Variants in LRP2 observed in about 807,000 individuals in gnomAD.
The protein encoded by LRP2 is low-density lipoprotein receptor-related protein 2.
LRP2 carries 172 observed loss-of-function variants against 531.0 expected under a neutral mutation model. The ratio of observed to expected loss-of-function variants is 0.32; its 90% CI spans 0.29 to 0.37. The LOEUF (loss-of-function observed/expected upper bound fraction) is 0.37. LRP2 is among the 10% of genes least tolerant of loss of function. The probability of loss-of-function intolerance (pLI) is 1.00; values close to 1 mark genes in which losing one functional copy is unlikely to be tolerated. For missense variants in LRP2, 5,167 were observed against 5,868.3 expected, an observed-to-expected ratio of 0.88 and a Z score of 3.90; for synonymous variants, 1,992 against 2,027.6, an observed-to-expected ratio of 0.98 and a Z score of 0.47.
intron 9 of LRP2, among the ~76,000 whole-genome samples, chr2:169,287,852 T>TTAATATTAAAATTTTAATATTTTAA (rs1553509242): frequency 1.9e-4 from 17 of 90,478 alleles, no homozygotes; most frequent in African/African-American, 6.0e-4. Context: ...TTTTAATATT[T>TTAATATTAAAATTTTAATATTTTAA]TAATATTAAA....
At chr2:169,190,637 T>C (rs1687797746) in intron 48 of LRP2, among the ~76,000 whole-genome samples, 1 of 152,184 alleles carries the variant, frequency 6.6e-6, no homozygotes, top group South Asian at 2.1e-4. Flanking sequence ...TGCTGTAAGG[T>C]GGCCATTCCT....
chr2:169,152,113 C>T (rs1170112857), intron 67 of LRP2, among the ~76,000 whole-genome samples: 3 of 152,222 alleles, frequency 2.0e-5, no homozygotes, highest in African/African-American at 4.8e-5. Flanking sequence ...TTACTAACTT[C>T]TCCACATCCA....
Position 169,237,196 on chromosome 2 carries a change from A to G in LRP2, c.4598T>C (p.Ile1533Thr), listed in dbSNP as rs200913374. 1.2e-6 allele frequency: 2 copies of G among 1,613,730 alleles called. No homozygotes were observed. The highest frequency in any genetic ancestry group is 1.1e-5 in the South Asian group (1 of 91,078). ...LYWTDYALET[I>T]EVSKIDGSHR... ...GCTCCCATCAATTTTGGAGACTTCA[A>G]TTGTTTCCAGAGCATAGTCTGTCCA... is the stretch of plus-strand genomic sequence containing the variant. Residue 1533 changes from isoleucine to threonine, a missense_variant, in exon 28 of 79, where the codon ATT becomes ACT. Physicochemically the swap from Ile to Thr is moderately conservative, Grantham distance 89. Around this residue, in one of 6 missense-constraint regions of LRP2, gnomAD observed 2,811 missense variants for 3,058.0 expected, o/e 0.92. Coordinates refer to ENST00000649046, the MANE Select transcript of LRP2 (RefSeq NM_004525.3).
At chr2:169,219,821 T>TA (rs1347695006) in intron 34 of LRP2, among the ~76,000 whole-genome samples, 95 of 142,982 alleles carry the variant, frequency 6.6e-4, no homozygotes, top group Admixed American at 4.1e-4. Flanking sequence ...TTGAAATTTT[T>TA]TAAAAAAAAT....
At chr2:169,212,254 G>T (rs543104866) in intron 36 of LRP2, 47 bp from the exon 37 acceptor site, 1 of 1,613,068 alleles carries the variant, frequency 6.2e-7, no homozygotes, top group Non-Finnish European at 8.5e-7. Flanking sequence ...CTAGCTACTC[G>T]CCACCCCATC....
intron 37 of LRP2, 128 bp downstream of exon 37, chr2:169,211,840 T>G: frequency 4.6e-6 from 6 of 1,300,900 alleles, no homozygotes; most frequent in Non-Finnish European, 6.6e-6. Flanking sequence ...CTGTGCCAGT[T>G]GATTTAAAGG....
intron 70 of LRP2, among the ~76,000 whole-genome samples, chr2:169,144,720 T>G (rs1348899229): frequency 6.6e-6 from 1 of 152,204 alleles, no homozygotes; most frequent in Non-Finnish European, 1.5e-5. Flanking sequence ...CCCTGTCATC[T>G]CATGGGAGTC....
intron 18 of LRP2, 149 bp from the exon 19 acceptor site, chr2:169,256,385 G>T: frequency 1.9e-6 from 1 of 526,878 alleles, no homozygotes; most frequent in Non-Finnish European, 3.3e-6. Flanking sequence ...AAATTTAACA[G>T]TTTTATGTCC....
At chr2:169,345,581 C>A (rs1574277248) in intron 1 of LRP2, among the ~76,000 whole-genome samples, 1 of 152,080 alleles carries the variant, frequency 6.6e-6, no homozygotes, top group Admixed American at 6.6e-5. Flanking sequence ...GTTGTGGCTA[C>A]ACAAATATAT....
chr2:169,294,786 T>G, intron 4 of LRP2, 76 bp from the exon 5 acceptor site: 1 of 902,088 alleles, frequency 1.1e-6, no homozygotes, highest in East Asian at 2.5e-5. Flanking sequence ...TCAGCAAACA[T>G]TTATTGAGTG....
At chr2:169,339,867 G>C (rs1685517233) in intron 1 of LRP2, among the ~76,000 whole-genome samples, 1 of 152,164 alleles carries the variant, frequency 6.6e-6, no homozygotes, top group African/African-American at 2.4e-5. Context: ...TGCTAAGGGT[G>C]TTATCACCAT....
intron 65 of LRP2, among the ~76,000 whole-genome samples, chr2:169,155,720 T>C (rs1686304918): frequency 6.6e-6 from 1 of 152,134 alleles, no homozygotes; most frequent in Non-Finnish European, 1.5e-5. Flanking sequence ...GGCATCAACC[T>C]AAAACGTAAA....
At position 169,205,533 on chromosome 2, in the gene LRP2, C is replaced by T. The variant is rs200633361; in HGVS notation, c.7661G>A (p.Ser2554Asn). Residue 2554 changes from serine to asparagine, a missense_variant, in exon 41 of 79, where the codon AGT (serine) becomes AAT (asparagine). Ser to Asn is a conservative substitution (Grantham distance 46, BLOSUM62 1). Coordinates refer to ENST00000649046, the MANE Select transcript of LRP2 (RefSeq NM_004525.3). ...PIVNSSLVMP[S>N]GLTLDYEEDL... is the part of the protein sequence containing the mutation. ...CTCTTCATAGTCCAGAGTCAGCCCA[C>T]TGGGCATGACCAGACTGCTGTTCAC... 40 of 1,614,016 alleles carry T rather than the reference C, an allele frequency of 2.5e-5. No individual in the cohort carries two copies. The highest frequency in any genetic ancestry group is 3.2e-5 in the Non-Finnish European group (38 of 1,180,008).
chr2:169,223,249 G>A (rs1453482312), intron 33 of LRP2, among the ~76,000 whole-genome samples: 1 of 152,168 alleles, frequency 6.6e-6, no homozygotes, highest in Non-Finnish European at 1.5e-5. Context: ...TGTGGTTAAA[G>A]TGGCCTTACC....
chr2:169,330,708 A>T (rs1265928193), intron 1 of LRP2, among the ~76,000 whole-genome samples: 1 of 152,130 alleles, frequency 6.6e-6, no homozygotes, highest in Non-Finnish European at 1.5e-5. Flanking sequence ...GCTCCCCCAC[A>T]TCACGGTGAC....
intron 27 of LRP2, among the ~76,000 whole-genome samples, chr2:169,237,853 C>T (rs1402083094): frequency 6.6e-6 from 1 of 152,190 alleles, no homozygotes. Flanking sequence ...TGTGAGGTCT[C>T]TGCATCACCT....
chr2:169,273,392 C>T (rs368370345), intron 14 of LRP2, among the ~76,000 whole-genome samples: 33 of 152,278 alleles, frequency 2.2e-4, no homozygotes, highest in African/African-American at 7.0e-4. Flanking sequence ...AGAAAACCCA[C>T]ACTTCACTGC....
rs781574242 is a variant in LRP2, at chr2:169,160,682, T to TAAAAAAAAAA, written c.11887+1780_11887+1789dup. Among the ~76,000 whole-genome samples the TAAAAAAAAAA allele has an allele frequency of 2.7e-3, 143 of 52,798 alleles. 1 individual carries two copies. The highest frequency in any genetic ancestry group is 7.0e-3 in the African/African-American group (73 of 10,468). 34.6% of individuals were successfully genotyped at this position (52,798 alleles called of 152,430 possible). ...GAATTGTTTGTGCTACTTATTTCCTTAAAAAAAAAAAAACCTGCTACTAAT... is the reference window on the plus strand; with the variant it reads ...GAATTGTTTGTGCTACTTATTTCCTTAAAAAAAAAAAAAAAAAAAAAAACCTGCTACTAAT... On this transcript the variant is annotated intron_variant, in intron 63 of 78. Transcript: ENST00000649046.
chr2:169,150,619 C>T (rs985140906), intron 68 of LRP2, among the ~76,000 whole-genome samples: 1 of 151,994 alleles, frequency 6.6e-6, no homozygotes, highest in African/African-American at 2.4e-5. Flanking sequence ...CAGTTATATC[C>T]ACAAAGAACT....
Sources: gnomAD v4.1 joint callset for allele counts (sites outside exome capture counted in the v4.1 genomes callset) on GRCh38, gnomAD v4.1.1 for gene constraint, gnomAD v4.1.1 regional missense constraint, MANE v1.5 for transcripts, NCBI Gene and HGNC (gene_info 2026-07-23, HGNC 2026-07-21) for gene names.